Variants in TEX26 observed in about 807,000 individuals in gnomAD.
TEX26 encodes testis expressed 26, also known as testis-expressed protein 26.
Under a neutral mutation model 35.3 loss-of-function variants are expected in TEX26, and 34 were observed. The observed-to-expected ratio is 0.96, with a 90% CI of 0.73 to 1.28. The LOEUF (loss-of-function observed/expected upper bound fraction) is 1.28. Ranked by LOEUF, TEX26 falls within the 50% of genes most tolerant of loss-of-function variation. The pLI is 0.00. For synonymous variants in TEX26, 136 were observed against 111.8 expected, an observed-to-expected ratio of 1.22 and a Z score of -1.36; for missense variants, 371 against 330.1, an observed-to-expected ratio of 1.12 and a Z score of -0.96.
intron 4 of TEX26, among the ~76,000 whole-genome samples, chr13:30,961,214 G>C (rs1055121190): frequency 3.3e-5 from 5 of 152,162 alleles, no homozygotes; most frequent in African/African-American, 1.2e-4. Context: ...TACCATGCCT[G>C]GTGTCCCTCA....
chr13:30,974,131 A>AAATATATATATATATATATATATATAT, intron 6 of TEX26, among the ~76,000 whole-genome samples: 1 of 84,418 alleles, frequency 1.2e-5, no homozygotes, highest in East Asian at 3.1e-4. Context: ...AAAAAAAAAA[A>AAATATATATATATATATATATATATAT]ATATATATAT....
At position 30,940,698 on chromosome 13, in the gene TEX26, T is replaced by C. The variant is rs148801299; in HGVS notation, c.146+920T>C. 7.9e-5 allele frequency among the ~76,000 whole-genome samples: 12 copies of C among 152,250 alleles called. No homozygotes were observed. In the East Asian group the frequency reaches 1.9e-3, roughly 25 times the overall value. ...CAGCATAGAGAGCCTTCAATTATCA[T>C]CTTCATTCTGTGAATTGTGTCCAGT... On this transcript the variant is annotated intron_variant, in intron 2 of 6. Coordinates refer to ENST00000380473, the MANE Select transcript of TEX26 (RefSeq NM_152325.3).
chr13:30,970,168 AGTGTGTGTGTGTGTGT>A (rs57600535), intron 6 of TEX26, among the ~76,000 whole-genome samples: 5,509 of 146,472 alleles, frequency 0.038, 237 homozygotes, highest in African/African-American at 0.1. Context: ...GGTGTGTGTG[AGTGTGTGTGTGTGTGT>A]GTGTGTGTGT....
In TEX26 at chr13:30,956,920, A is replaced by G. The variant is rs760220238; in HGVS notation, c.360A>G (p.Leu120=). 6 of 1,614,084 alleles carry G rather than the reference A, an allele frequency of 3.7e-6. No homozygotes were observed. In the African/African-American group the frequency reaches 5.3e-5, roughly 14 times the overall value. ...TLPHCQQTGT[L]KNCLPWKIPA... is the part of the protein sequence containing the mutation. ...CTCACTGTCAACAAACGGGGACACT[A>G]AAGAACTGCCTCCCTTGGAAAATCC... Residue 120 remains leucine, a synonymous_variant, in exon 4 of 7, where the codon CTA becomes CTG. Transcript: ENST00000380473.
At chr13:30,953,728 C>G (rs538388495) in intron 3 of TEX26, among the ~76,000 whole-genome samples, 1 of 152,294 alleles carries the variant, frequency 6.6e-6, no homozygotes, top group South Asian at 2.1e-4. Context: ...TTCCTTCTCC[C>G]CTGGGTGGAA....
chr13:30,963,710 G>C (rs1954431545), intron 4 of TEX26, among the ~76,000 whole-genome samples: 1 of 152,224 alleles, frequency 6.6e-6, no homozygotes, highest in Admixed American at 6.5e-5. Flanking sequence ...TCAATGAAGA[G>C]TGAGACTCTT....
intron 6 of TEX26, among the ~76,000 whole-genome samples, chr13:30,970,910 G>C (rs1169498563): frequency 6.6e-6 from 1 of 152,216 alleles, no homozygotes; most frequent in Non-Finnish European, 1.5e-5. Context: ...CCAGACAGGT[G>C]AGGTAGACCT....
At chr13:30,954,652 C>T (rs984157337) in intron 3 of TEX26, among the ~76,000 whole-genome samples, 2 of 152,004 alleles carry the variant, frequency 1.3e-5, no homozygotes, top group African/African-American at 4.8e-5. Context: ...GAGATAGAAT[C>T]TCACTCTGTT....
intron 2 of TEX26, among the ~76,000 whole-genome samples, chr13:30,944,989 C>A (rs2138206441): frequency 1.3e-5 from 2 of 151,894 alleles, no homozygotes; most frequent in Admixed American, 1.3e-4. Flanking sequence ...TAAGTCCATT[C>A]TTTCTTTGTT....
At position 30,932,773 on chromosome 13, in the gene TEX26, CCAAGT is replaced by C; in HGVS notation, c.59_61+2del. On this transcript the variant is annotated splice_donor_variant and coding_sequence_variant, in exon 1 of 7. Transcript: ENST00000380473. LOFTEE classifies it high-confidence loss of function. ...CTCTCTCTGCCACCACAACCTCCAG[CCAAGT>C]AAGACAGCAGACTCTGCCGGTCTGC... 6.2e-7 allele frequency: 1 copy of C among 1,614,002 alleles called. No homozygotes were observed. The highest frequency in any genetic ancestry group is 8.5e-7 in the Non-Finnish European group (1 of 1,179,982).
At chr13:30,959,683 T>A (rs1954264970) in intron 4 of TEX26, among the ~76,000 whole-genome samples, 1 of 152,216 alleles carries the variant, frequency 6.6e-6, no homozygotes, top group Non-Finnish European at 1.5e-5. Context: ...TTCCATACTT[T>A]GTTGTACACT....
At position 30,932,753 on chromosome 13, in the gene TEX26, TCTGCCA is replaced by T; in HGVS notation, c.40_45del (p.Cys14_His15del). On this transcript the variant is annotated inframe_deletion, in exon 1 of 7. Transcript: ENST00000380473. ...GGGCCCAGGGCTCCGGATCCCTCTC[TCTGCCA>T]CCACAACCTCCAGCCAAGTAAGACA... is the stretch of plus-strand genomic sequence containing the variant. 1 of 1,613,904 alleles carries T rather than the reference TCTGCCA, an allele frequency of 6.2e-7. No individual in the cohort carries two copies. Among genetic ancestry groups the T allele is most frequent in the African/African-American group, 1.3e-5 (1 of 75,050 alleles).
In TEX26 at chr13:30,975,043, G is replaced by A; in HGVS notation, c.*136G>A. ...TATGATGTGATAGTCATGAATTTGT[G>A]TCTTTTGCTCCGCTTTATTTTTAAA... On this transcript the variant is annotated 3_prime_UTR_variant, in exon 7 of 7. Coordinates refer to ENST00000380473, the MANE Select transcript of TEX26 (RefSeq NM_152325.3). 1.7e-6 allele frequency: 1 copy of A among 580,486 alleles called. No homozygotes were observed. 36.0% of individuals were successfully genotyped at this position (580,486 alleles called of 1,614,324 possible). A position where few individuals can be genotyped will look rare whatever the true frequency, so the allele number is the denominator to read the frequency against.
chr13:30,966,073 C>A, intron 4 of TEX26, 149 bp from the exon 5 acceptor site: 1 of 762,524 alleles, frequency 1.3e-6, no homozygotes, highest in Non-Finnish European at 2.1e-6. Flanking sequence ...TGAGTATATA[C>A]TTCCTGTGAC....
intron 2 of TEX26, among the ~76,000 whole-genome samples, chr13:30,946,947 T>G (rs1206233141): frequency 1.3e-5 from 2 of 152,136 alleles, no homozygotes; most frequent in East Asian, 3.8e-4. Flanking sequence ...TTTCTTTCTC[T>G]TCTTGAACTC....
intron 2 of TEX26, among the ~76,000 whole-genome samples, chr13:30,945,581 T>G (rs1953677021): frequency 6.6e-6 from 1 of 151,950 alleles, no homozygotes; most frequent in Admixed American, 6.6e-5. Flanking sequence ...ATATTGACCT[T>G]TTGTTTCAGG....
At chr13:30,934,456 G>A (rs1422465563) in intron 1 of TEX26, among the ~76,000 whole-genome samples, 1 of 152,304 alleles carries the variant, frequency 6.6e-6, no homozygotes, top group East Asian at 1.9e-4. Flanking sequence ...TGGCTGCTAT[G>A]TGTTCCCACA....
chr13:30,964,074 C>T (rs1355966711), intron 4 of TEX26, among the ~76,000 whole-genome samples: 4 of 152,188 alleles, frequency 2.6e-5, no homozygotes, highest in Admixed American at 6.5e-5. Flanking sequence ...TGTACTGACC[C>T]GTTGTCAAAG....
chr13:30,940,458 C>G (rs571586073), intron 2 of TEX26, among the ~76,000 whole-genome samples: 1 of 150,360 alleles, frequency 6.7e-6, no homozygotes, highest in Non-Finnish European at 1.5e-5. Context: ...CTCAGCCTCC[C>G]GAGTAGCTGG....
Sources: gnomAD v4.1 joint callset for allele counts (sites outside exome capture counted in the v4.1 genomes callset) on GRCh38, gnomAD v4.1.1 for gene constraint, MANE v1.5 for transcripts, NCBI Gene and HGNC (gene_info 2026-07-23, HGNC 2026-07-21) for gene names.